ICA1L: variants seen among roughly 807,000 people sequenced by gnomAD.
ICA1L encodes islet cell autoantigen 1-like protein.
Under a neutral mutation model 61.3 loss-of-function variants are expected in ICA1L, and 50 were observed. The ratio of observed to expected loss-of-function variants is 0.82; its 90% CI spans 0.65 to 1.03. The LOEUF is 1.03. Ranked by LOEUF, ICA1L falls within the 50% of genes least tolerant of loss-of-function variation. The probability of loss-of-function intolerance (pLI) is 0.00; values close to 1 mark genes in which losing one functional copy is unlikely to be tolerated. For missense variants in ICA1L, 508 were observed against 556.7 expected (o/e 0.91, Z 0.88); for synonymous variants, 161 against 191.3 (o/e 0.84, Z 1.31).
chr2:202,774,262 C>G lies in ICA1L; in HGVS notation c.*5271G>C. 1 of 1,545,662 alleles carries G rather than the reference C, an allele frequency of 6.5e-7. No homozygotes were observed. The highest frequency in any genetic ancestry group is 2.4e-5 in the East Asian group (1 of 40,862). ...TCTTCTCGCTCCTGTCGGCCAAAGG[C>G]CGTGACCCCGACGCGTGCAGGCACC... On this transcript the variant is annotated 3_prime_UTR_variant, in exon 13 of 13. Coordinates refer to ENST00000358299, the MANE Select transcript of ICA1L (RefSeq NM_001288622.3).
At position 202,789,020 on chromosome 2, in the gene ICA1L, G is replaced by C; in HGVS notation, c.1053C>G (p.Asn351Lys). Reference protein sequence around the residue: ...EDFEKEFSFLNNLLSSGSSST... With the variant: ...EDFEKEFSFLKNLLSSGSSST... ...TTGAAGAACCAGAACTTAGGAGGTT[G>C]TTCAGAAATGAGAATTCCTTCTCAA... The change falls in exon 11 of 13, where the codon AAC becomes AAG. Residue 351 changes from asparagine to lysine, a missense_variant. Physicochemically the swap from Asn to Lys is moderately conservative, Grantham distance 94. Transcript: ENST00000358299. 1 of 1,612,902 alleles carries C rather than the reference G, an allele frequency of 6.2e-7. No homozygotes were observed. Among genetic ancestry groups the C allele is most frequent in the East Asian group, 2.2e-5 (1 of 44,872 alleles).
chr2:202,817,117 G>A (rs1448256872), intron 6 of ICA1L, among the ~76,000 whole-genome samples: 3 of 152,142 alleles, frequency 2.0e-5, no homozygotes, highest in African/African-American at 7.2e-5. Flanking sequence ...AAGTGGAACA[G>A]CTCTGGTTAA....
At chr2:202,792,213 G>A (rs904037768) in intron 10 of ICA1L, among the ~76,000 whole-genome samples, 1 of 152,116 alleles carries the variant, frequency 6.6e-6, no homozygotes, top group African/African-American at 2.4e-5. Flanking sequence ...TGGCAAAGAT[G>A]TGGAGAAACT....
chr2:202,781,709 G>GT (rs1189947992), intron 12 of ICA1L, among the ~76,000 whole-genome samples: 1 of 152,044 alleles, frequency 6.6e-6, no homozygotes, highest in African/African-American at 2.4e-5. Context: ...GTTATTAACA[G>GT]TATCACAGTG....
Position 202,819,599 on chromosome 2 carries a change from C to T in ICA1L, c.558+102G>A, listed in dbSNP as rs138648218. On this transcript the variant is annotated intron_variant, in intron 5 of 12. Transcript: ENST00000358299. ...AAGCAACCAAGAATGTATAATGAAA[C>T]ATATATTTACCAAAAAACATCTGAA... The T allele has an allele frequency of 2.2e-4, 206 of 922,754 alleles. No individual in the cohort carries two copies. In the South Asian group the frequency reaches 2.2e-3, roughly 10 times the overall value. 57.2% of individuals were successfully genotyped at this position (922,754 alleles called of 1,614,324 possible). A position where few individuals can be genotyped will look rare whatever the true frequency, so the allele number is the denominator to read the frequency against.
intron 2 of ICA1L, among the ~76,000 whole-genome samples, chr2:202,828,047 C>T (rs1693896678): frequency 6.6e-6 from 1 of 152,008 alleles, no homozygotes; most frequent in Non-Finnish European, 1.5e-5. Flanking sequence ...AGTGGCTTAC[C>T]TGAGGTCAGG....
At chr2:202,832,740 C>T (rs950646745) in intron 1 of ICA1L, among the ~76,000 whole-genome samples, 2 of 152,094 alleles carry the variant, frequency 1.3e-5, no homozygotes, top group African/African-American at 4.8e-5. Context: ...GATTATGCCA[C>T]TGCACTCCTG....
At chr2:202,819,142 A>C (rs1693627830) in intron 5 of ICA1L, among the ~76,000 whole-genome samples, 2 of 152,200 alleles carry the variant, frequency 1.3e-5, no homozygotes, top group Admixed American at 1.3e-4. Context: ...TATGATTTAT[A>C]TTATGGGTTC....
At chr2:202,806,822 G>A (rs1428086455) in intron 9 of ICA1L, among the ~76,000 whole-genome samples, 4 of 152,136 alleles carry the variant, frequency 2.6e-5, no homozygotes, top group Non-Finnish European at 5.9e-5. Context: ...CATAAATGAT[G>A]TTTTAAAAAG....
intron 8 of ICA1L, among the ~76,000 whole-genome samples, chr2:202,813,591 T>C (rs2105845097): frequency 6.6e-6 from 1 of 152,328 alleles, no homozygotes; most frequent in East Asian, 1.9e-4. Context: ...GAAGTGGACA[T>C]GTGCCAAGAG....
intron 11 of ICA1L, among the ~76,000 whole-genome samples, chr2:202,787,565 G>A (rs1432611482): frequency 6.6e-6 from 1 of 152,180 alleles, no homozygotes; most frequent in Non-Finnish European, 1.5e-5. Context: ...TTCTTACTGA[G>A]TGATTATTTA....
chr2:202,815,949 A>C lies in ICA1L; in HGVS notation c.745T>G (p.Cys249Gly). 6.2e-7 allele frequency: 1 copy of C among 1,604,206 alleles called. No homozygotes were observed. Among genetic ancestry groups the C allele is most frequent in the African/African-American group, 1.3e-5 (1 of 74,296 alleles). The change falls in exon 7 of 13, where the codon TGT becomes GGT. Residue 249 changes from cysteine to glycine, a missense_variant. Transcript: ENST00000358299. ...ARMMSQIHEACIGFHPYDFVA... is the reference protein window; with the variant it reads ...ARMMSQIHEAGIGFHPYDFVA... ...AAATCATACGGATGAAAGCCAATAC[A>C]GGCTTCATGAATTTGGGACATCATT... is the stretch of plus-strand genomic sequence containing the variant.
intron 1 of ICA1L, chr2:202,840,386 ATCT>A: frequency 2.0e-6 from 1 of 493,192 alleles, no homozygotes; most frequent in Admixed American, 2.2e-5. Flanking sequence ...GTGGATCTCA[ATCT>A]TCTTCACAAC....
chr2:202,863,753 G>A (rs528976534), intron 1 of ICA1L, among the ~76,000 whole-genome samples: 1 of 151,526 alleles, frequency 6.6e-6, no homozygotes, highest in Non-Finnish European at 1.5e-5. Context: ...CATGAACCCG[G>A]GAGGCGGAGC....
rs1447115548 is a variant in ICA1L, at chr2:202,774,367, CTG to C, written c.*5164_*5165del. On this transcript the variant is annotated 3_prime_UTR_variant, in exon 13 of 13. Transcript: ENST00000358299. The stretch of plus-strand genomic sequence containing the variant: ...TGCCGCGCGCTCCGCTCAGCGTGGT[CTG>C]GCAGCCGGAGACCAGGCCTCACTGC... The C allele has an allele frequency of 1.5e-4, 197 of 1,328,188 alleles. No individual in the cohort carries two copies. The highest frequency in any genetic ancestry group is 1.8e-4 in the Non-Finnish European group (192 of 1,040,266). 82.3% of individuals were successfully genotyped at this position (1,328,188 alleles called of 1,614,324 possible).
intron 1 of ICA1L, among the ~76,000 whole-genome samples, chr2:202,842,613 A>G (rs916495594): frequency 2.6e-5 from 4 of 152,122 alleles, no homozygotes; most frequent in Non-Finnish European, 5.9e-5. Flanking sequence ...CAGTTTGATT[A>G]TATCTTAGTG....
Position 202,837,256 on chromosome 2 carries a change from T to C in ICA1L, c.-7-8240A>G, listed in dbSNP as rs188373200. ...ATTTCCTCTTTTTTATTAATCTAAC[T>C]AAAGGCTTACCAATTTTCCGTTGTT... On this transcript the variant is annotated intron_variant, in intron 1 of 12. Transcript: ENST00000358299. 9.2e-5 allele frequency among the ~76,000 whole-genome samples: 14 copies of C among 152,164 alleles called. No homozygotes were observed. The East Asian group carries it at 2.5e-3, about 27-fold the overall frequency.
Position 202,800,158 on chromosome 2 carries a change from A to G in ICA1L, c.911-3194T>C, listed in dbSNP as rs188213684. Among the ~76,000 whole-genome samples the G allele has an allele frequency of 4.2e-3, 634 of 152,008 alleles. 4 individuals are homozygous for G. Among genetic ancestry groups the G allele is most frequent in the Admixed American group, 7.5e-3 (115 of 15,250 alleles). On this transcript the variant is annotated intron_variant, in intron 9 of 12. Coordinates refer to ENST00000358299, the MANE Select transcript of ICA1L (RefSeq NM_001288622.3). ...GGCCTCCCAAAGTGCTGGGATTACAAGTGTGAGCCACCGCGCCTGGCCTGC... is the reference window on the plus strand; with the variant it reads ...GGCCTCCCAAAGTGCTGGGATTACAGGTGTGAGCCACCGCGCCTGGCCTGC...
intron 2 of ICA1L, among the ~76,000 whole-genome samples, chr2:202,828,330 C>T (rs937637198): frequency 6.7e-6 from 1 of 150,344 alleles, no homozygotes; most frequent in Non-Finnish European, 1.5e-5. Flanking sequence ...AGCCTAATTA[C>T]TTTAAACCAT....
Sources: allele counts gnomAD v4.1 joint callset (sites outside exome capture counted in the v4.1 genomes callset), GRCh38; gene constraint gnomAD v4.1.1; transcripts MANE v1.5; gene names NCBI Gene and HGNC (gene_info 2026-07-23, HGNC 2026-07-21).